The following ENTPD3 variants were observed in gnomAD, a reference collection of about 807,000 sequenced individuals.
ENTPD3 encodes CD39 antigen-like 3.
A neutral mutation model predicts 51.2 loss-of-function variants in ENTPD3; 60 were observed. The observed-to-expected ratio is 1.17, with a 90% CI of 0.95 to 1.45. The LOEUF (loss-of-function observed/expected upper bound fraction) is 1.45. Ranked by LOEUF, ENTPD3 falls within the 40% of genes most tolerant of loss-of-function variation. The pLI is 0.00. For missense variants in ENTPD3, 593 were observed against 641.1 expected, an observed-to-expected ratio of 0.93 and a Z score of 0.81; for synonymous variants, 221 against 238.4, an observed-to-expected ratio of 0.93 and a Z score of 0.67.
chr3:40,416,781 G>T (rs1478745622), intron 7 of ENTPD3, among the ~76,000 whole-genome samples: 1 of 152,158 alleles, frequency 6.6e-6, no homozygotes, highest in Non-Finnish European at 1.5e-5. Flanking sequence ...GTGGCTGAGA[G>T]GATGGGCCTT....
chr3:40,403,585 T>C (rs1955421045), intron 4 of ENTPD3, among the ~76,000 whole-genome samples: 1 of 152,110 alleles, frequency 6.6e-6, no homozygotes, highest in Admixed American at 6.6e-5. Flanking sequence ...AATAAGTCTA[T>C]TTGAAGGGGT....
At chr3:40,427,088 G>C (rs905685534) in intron 10 of ENTPD3, among the ~76,000 whole-genome samples, 184 bp from the exon 11 acceptor site, 1 of 152,168 alleles carries the variant, frequency 6.6e-6, no homozygotes, top group Non-Finnish European at 1.5e-5. Flanking sequence ...TGCAGCGCTG[G>C]AGGTGAGATT....
At chr3:40,398,420 AG>A (rs1208765197) in intron 3 of ENTPD3, among the ~76,000 whole-genome samples, 2 of 152,144 alleles carry the variant, frequency 1.3e-5, no homozygotes, top group Admixed American at 1.3e-4. Flanking sequence ...GGTCAGGAGC[AG>A]GGGGGAGGAA....
chr3:40,393,151 A>C (rs1955103908), intron 3 of ENTPD3, among the ~76,000 whole-genome samples: 1 of 152,152 alleles, frequency 6.6e-6, no homozygotes, highest in African/African-American at 2.4e-5. Flanking sequence ...ATTCCATGAG[A>C]GGCTGACAAG....
intron 6 of ENTPD3, 27 bp downstream of exon 6, chr3:40,414,867 T>A: frequency 6.2e-7 from 1 of 1,612,398 alleles, no homozygotes. Flanking sequence ...GCATGGTTTT[T>A]AATCTTACTG....
chr3:40,388,175 A>G lies in ENTPD3; in HGVS notation c.40+78A>G, dbSNP rs924999984. On this transcript the variant is annotated intron_variant, in intron 2 of 10. Coordinates refer to ENST00000301825, the MANE Select transcript of ENTPD3 (RefSeq NM_001248.4). ...CCCCAGCTTCGGCCTACAGTTTTTC[A>G]TCCATATCCCCTGCAAATGATTGTT... 11 of 1,308,858 alleles carry G rather than the reference A, an allele frequency of 8.4e-6. No homozygotes were observed. The African/African-American group carries it at 1.5e-4, about 17-fold the overall frequency. The allele number at this position is 1,308,858 out of a possible 1,614,324, so 81.1% of individuals were successfully genotyped here.
chr3:40,387,692 A>G (rs2305521), intron 1 of ENTPD3, among the ~76,000 whole-genome samples: 64,643 of 152,022 alleles, frequency 0.43, 15,109 homozygotes, highest in African/African-American at 0.62. Flanking sequence ...ATGTTCTGAA[A>G]AAAAGCCCCG....
intron 2 of ENTPD3, chr3:40,391,675 CAA>C (rs769795251): frequency 0.023 from 3,394 of 149,062 alleles, no homozygotes; most frequent in South Asian, 0.035. Context: ...GACTCCATCT[CAA>C]AAAAAAAAAA....
Position 40,410,457 on chromosome 3 carries a change from A to AG in ENTPD3, c.287-1355_287-1354insG, listed in dbSNP as rs1283486146. On this transcript the variant is annotated intron_variant, in intron 4 of 10. Transcript: ENST00000301825. ...ACTCCATCTCAGAAAAAAAAAAAAA[A>AG]AGAGAAAAAGATATCACTATTTGCA... 4.8e-4 allele frequency among the ~76,000 whole-genome samples: 73 copies of AG among 151,934 alleles called. 1 individual carries two copies. Among genetic ancestry groups the AG allele is most frequent in the Non-Finnish European group, 6.0e-4 (41 of 67,920 alleles).
intron 1 of ENTPD3, 104 bp from the exon 2 acceptor site, chr3:40,387,942 T>G: frequency 1.1e-6 from 1 of 894,224 alleles, no homozygotes; most frequent in Non-Finnish European, 1.8e-6. Context: ...GAGGTTTTGA[T>G]TTGGAGGAAG....
Position 40,416,194 on chromosome 3 carries a change from A to C in ENTPD3, c.831+121A>C. The C allele has an allele frequency of 4.3e-6, 3 of 689,662 alleles. No individual in the cohort carries two copies. The South Asian group carries it at 5.5e-5, about 13-fold the overall frequency. 42.7% of individuals were successfully genotyped at this position (689,662 alleles called of 1,614,324 possible). On this transcript the variant is annotated intron_variant, in intron 7 of 10. Coordinates refer to ENST00000301825, the MANE Select transcript of ENTPD3 (RefSeq NM_001248.4). ...CAATTGAAAGGTAGATGGAAATAAC[A>C]GCATTTTCCAATTTACTCCTGGGGG...
intron 4 of ENTPD3, among the ~76,000 whole-genome samples, chr3:40,401,723 T>C (rs562875798): frequency 6.6e-6 from 1 of 152,352 alleles, no homozygotes; most frequent in African/African-American, 2.4e-5. Context: ...TGAAATGTAA[T>C]TCTTCCTGTA....
At chr3:40,415,354 A>G (rs1025477241) in intron 6 of ENTPD3, among the ~76,000 whole-genome samples, 2 of 152,194 alleles carry the variant, frequency 1.3e-5, no homozygotes, top group Admixed American at 1.3e-4. Context: ...AGGGGGCACA[A>G]AACAGGAGTT....
chr3:40,423,931 G>A lies in ENTPD3; in HGVS notation c.1321G>A (p.Glu441Lys), dbSNP rs780292759. Reference protein sequence around the residue: ...LFVNGYKFTEETWPQIHFEKE... With the variant: ...LFVNGYKFTEKTWPQIHFEKE... The stretch of plus-strand genomic sequence containing the variant: ...TGTGAACGGTTACAAATTCACAGAG[G>A]AGACTTGGCCCCAAATACACTTTGA... The change falls in exon 10 of 11, where the codon GAG becomes AAG. Residue 441 changes from glutamate (E) to lysine (K), a missense_variant. Coordinates refer to ENST00000301825, the MANE Select transcript of ENTPD3 (RefSeq NM_001248.4). The A allele has an allele frequency of 6.2e-7, 1 of 1,614,148 alleles. No individual in the cohort carries two copies. Among genetic ancestry groups the A allele is most frequent in the South Asian group, 1.1e-5 (1 of 91,070 alleles).
At chr3:40,407,659 A>C (rs1955534982) in intron 4 of ENTPD3, among the ~76,000 whole-genome samples, 1 of 152,168 alleles carries the variant, frequency 6.6e-6, no homozygotes, top group South Asian at 2.1e-4. Flanking sequence ...ATAGATACTG[A>C]AGAAAAGAGA....
Position 40,427,893 on chromosome 3 carries a change from C to G in ENTPD3, c.*385C>G, listed in dbSNP as rs150948930. ...CCTCAGTATTCTTCCTGGCAAGATA[C>G]CCATTAAGCATTTCGCCAATCAGAA... On this transcript the variant is annotated 3_prime_UTR_variant, in exon 11 of 11. Transcript: ENST00000301825. 24 of 227,386 alleles carry G rather than the reference C, an allele frequency of 1.1e-4. No homozygotes were observed. In the South Asian group the frequency reaches 1.7e-3, roughly 16 times the overall value. The allele number at this position is 227,386 out of a possible 1,614,324, so 14.1% of individuals were successfully genotyped here.
chr3:40,391,407 T>A (rs1041662549), intron 2 of ENTPD3: 5 of 151,944 alleles, frequency 3.3e-5, no homozygotes, highest in African/African-American at 1.2e-4. Context: ...CTGGGCGTGG[T>A]GGCTCACACC....
intron 3 of ENTPD3, among the ~76,000 whole-genome samples, chr3:40,398,075 C>G (rs1020227495): frequency 1.3e-5 from 2 of 152,110 alleles, no homozygotes; most frequent in African/African-American, 4.8e-5. Context: ...GATGGTAGGG[C>G]TAGATCCGTG....
At chr3:40,419,053 T>C (rs1955806062) in intron 7 of ENTPD3, among the ~76,000 whole-genome samples, 1 of 152,216 alleles carries the variant, frequency 6.6e-6, no homozygotes, top group African/African-American at 2.4e-5. Flanking sequence ...GCTTAATATG[T>C]TGTTCTTCTA....
Sources: allele counts gnomAD v4.1 joint callset (sites outside exome capture counted in the v4.1 genomes callset), GRCh38; gene constraint gnomAD v4.1.1; transcripts MANE v1.5; gene names NCBI Gene and HGNC (gene_info 2026-07-23, HGNC 2026-07-21).